HADHB: variants seen among roughly 807,000 people sequenced by gnomAD.
HADHB encodes the protein hydroxyacyl-CoA dehydrogenase trifunctional multienzyme complex subunit beta.
A neutral mutation model predicts 61.9 loss-of-function variants in HADHB; 50 were observed. That is an observed-to-expected ratio of 0.81 (90% CI 0.64 to 1.02). The LOEUF is 1.02. Among genes scored for constraint, HADHB ranks in the 50% least tolerant of loss-of-function variants. The probability of loss-of-function intolerance (pLI) is 0.00; values close to 1 mark genes in which losing one functional copy is unlikely to be tolerated. For synonymous variants in HADHB, 191 were observed against 201.6 expected (o/e 0.95, Z 0.45); for missense variants, 504 against 586.5 (o/e 0.86, Z 1.45).
chr2:26,253,072 C>T (rs34081866), intron 1 of HADHB, among the ~76,000 whole-genome samples: 30,688 of 151,986 alleles, frequency 0.2, 3,170 homozygotes, highest in Middle Eastern at 0.26. Context: ...TTTTCATATA[C>T]TTAAGAACCA....
intron 3 of HADHB, among the ~76,000 whole-genome samples, chr2:26,257,786 G>A (rs1025819111): frequency 1.6e-4 from 25 of 152,150 alleles, no homozygotes; most frequent in Non-Finnish European, 3.5e-4. Context: ...TTGGGAGGCT[G>A]AGGCAGGCGG....
At chr2:26,257,161 C>T (rs1671649665) in intron 3 of HADHB, among the ~76,000 whole-genome samples, 1 of 147,136 alleles carries the variant, frequency 6.8e-6, no homozygotes, top group East Asian at 2.0e-4. Flanking sequence ...CGTGCTGTCG[C>T]CCAGGCTGGA....
chr2:26,257,078 A>G (rs529634090), intron 3 of HADHB, among the ~76,000 whole-genome samples: 21 of 145,852 alleles, frequency 1.4e-4, no homozygotes, highest in Admixed American at 4.8e-4. Context: ...TGCCTTGTTG[A>G]TCTTGCGTCA....
At chr2:26,251,911 C>T (rs1415701040) in intron 1 of HADHB, among the ~76,000 whole-genome samples, 1 of 152,210 alleles carries the variant, frequency 6.6e-6, no homozygotes, top group Non-Finnish European at 1.5e-5. Flanking sequence ...TTTACCATCT[C>T]ATAGTTTCTG....
intron 7 of HADHB, 133 bp from the exon 8 acceptor site, chr2:26,278,481 G>C (rs1171331466): frequency 2.6e-6 from 2 of 782,050 alleles, no homozygotes; most frequent in African/African-American, 3.5e-5. Flanking sequence ...CTTCTGAAAA[G>C]TTGAAAACTT....
chr2:26,257,020 T>C (rs1192913002), intron 3 of HADHB, among the ~76,000 whole-genome samples: 1 of 152,236 alleles, frequency 6.6e-6, no homozygotes, highest in Non-Finnish European at 1.5e-5. Flanking sequence ...CTAATGCTTT[T>C]TCTTATTTAT....
At chr2:26,270,071 C>A (rs982220889) in intron 5 of HADHB, 74 bp downstream of exon 5, 18 of 964,226 alleles carry the variant, frequency 1.9e-5, no homozygotes, top group Admixed American at 3.4e-5. Flanking sequence ...CATAAAATAG[C>A]AATTTGTTCT....
At chr2:26,246,956 G>C (rs1201043071) in intron 1 of HADHB, among the ~76,000 whole-genome samples, 1 of 152,136 alleles carries the variant, frequency 6.6e-6, no homozygotes, top group Non-Finnish European at 1.5e-5. Flanking sequence ...GTGCGTGCGT[G>C]TGTGTGTGTG....
At chr2:26,258,754 C>T (rs556078091) in intron 3 of HADHB, among the ~76,000 whole-genome samples, 4 of 152,344 alleles carry the variant, frequency 2.6e-5, no homozygotes, top group African/African-American at 9.6e-5. Context: ...CCCCTCCTTG[C>T]TCAAATGCCT....
intron 6 of HADHB, among the ~76,000 whole-genome samples, chr2:26,274,736 A>G (rs1341128752): frequency 2.6e-5 from 4 of 152,166 alleles, no homozygotes; most frequent in Non-Finnish European, 5.9e-5. Context: ...CTCATAATAC[A>G]TTTTCAACTT....
rs398123239 is a variant in HADHB, at chr2:26,285,462, G to A, written c.1280G>A (p.Gly427Glu). 1.1e-5 allele frequency: 17 copies of A among 1,613,596 alleles called. No homozygotes were observed. Among genetic ancestry groups the A allele is most frequent in the Non-Finnish European group, 1.3e-5 (15 of 1,179,748 alleles). ...FNNWGGSLSL[G>E]HPFGATGCRL... Reference sequence around the variant, plus strand: ...AACTGGGGTGGATCTCTGTCCCTGGGACACCCATTTGGAGCCACTGGCTGC... The same window carrying A: ...AACTGGGGTGGATCTCTGTCCCTGGAACACCCATTTGGAGCCACTGGCTGC... Residue 427 changes from glycine to glutamate, a missense_variant, in exon 15 of 16, where the codon GGA (glycine) becomes GAA (glutamate). Transcript: ENST00000317799.
chr2:26,261,120 T>C (rs1671843479), intron 3 of HADHB: 4 of 870,064 alleles, frequency 4.6e-6, no homozygotes, highest in East Asian at 5.3e-5. Flanking sequence ...TAGGGATGTG[T>C]CTATGGCTTC....
At chr2:26,261,617 A>T (rs2147808377) in intron 3 of HADHB, 1 of 152,776 alleles carries the variant, frequency 6.5e-6, no homozygotes, top group Non-Finnish European at 1.5e-5. Flanking sequence ...TTTACTAAAA[A>T]TATAAAAACT....
At position 26,285,006 on chromosome 2, in the gene HADHB, A is replaced by G. The variant is rs780534123; in HGVS notation, c.1224+49A>G. The G allele has an allele frequency of 5.0e-5, 46 of 923,876 alleles. No homozygotes were observed. In the South Asian group the frequency reaches 6.0e-4, roughly 12 times the overall value. 57.2% of individuals were successfully genotyped at this position (923,876 alleles called of 1,614,324 possible). On this transcript the variant is annotated intron_variant, in intron 14 of 15. Transcript: ENST00000317799. ...GCGTGAATTTTCAAAGCACGTTAAT[A>G]ATTGGATCTTAGTTACCTGTTCTTA...
intron 13 of HADHB, 56 bp downstream of exon 13, chr2:26,284,260 A>G: frequency 1.0e-6 from 1 of 969,072 alleles, no homozygotes. Context: ...AATGTCATCC[A>G]TATTTGTGGG....
At chr2:26,280,574 C>T (rs1028134861) in intron 10 of HADHB, among the ~76,000 whole-genome samples, 1 of 152,002 alleles carries the variant, frequency 6.6e-6, no homozygotes, top group Non-Finnish European at 1.5e-5. Flanking sequence ...CATTTCAGGC[C>T]GGGTGCGGTG....
At chr2:26,269,160 A>C (rs1672227725) in intron 4 of HADHB, among the ~76,000 whole-genome samples, 1 of 152,022 alleles carries the variant, frequency 6.6e-6, no homozygotes, top group South Asian at 2.1e-4. Context: ...AAAAAAAAAA[A>C]AAAAACAGCA....
chr2:26,269,163 AAAC>A (rs1672228503), intron 4 of HADHB, among the ~76,000 whole-genome samples: 1 of 151,804 alleles, frequency 6.6e-6, no homozygotes, highest in South Asian at 2.1e-4. Context: ...AAAAAAAAAA[AAAC>A]AGCAGGGGGA....
intron 13 of HADHB, 102 bp from the exon 14 acceptor site, chr2:26,284,781 T>C (rs1361687328): frequency 2.5e-6 from 2 of 787,038 alleles, no homozygotes; most frequent in East Asian, 2.5e-5. Context: ...TGTTCAACTT[T>C]AAACCATACC....
Sources: gnomAD v4.1 joint callset for allele counts (sites outside exome capture counted in the v4.1 genomes callset) on GRCh38, gnomAD v4.1.1 for gene constraint, MANE v1.5 for transcripts, NCBI Gene and HGNC (gene_info 2026-07-23, HGNC 2026-07-21) for gene names.